CADPS: variants seen among roughly 807,000 people sequenced by gnomAD.
The protein encoded by CADPS is calcium dependent secretion activator.
In CADPS, 57 loss-of-function variants were observed where a neutral mutation model predicts 167.3. The observed-to-expected ratio is 0.34, with a 90% CI of 0.28 to 0.42. CADPS has a LOEUF of 0.42. Ranked by LOEUF, CADPS falls within the 20% of genes least tolerant of loss-of-function variation. The pLI is 1.00. For missense variants in CADPS, 1,414 were observed against 1,738.1 expected (o/e 0.81, Z 3.32); for synonymous variants, 676 against 635.3 (o/e 1.06, Z -0.96).
At chr3:62,655,828 T>C (rs764536653) in intron 4 of CADPS, among the ~76,000 whole-genome samples, 19 of 152,236 alleles carry the variant, frequency 1.2e-4, no homozygotes, top group Non-Finnish European at 2.5e-4. Context: ...GCTTCTGTCA[T>C]GTGTCAGGTT....
intron 26 of CADPS, among the ~76,000 whole-genome samples, chr3:62,461,046 C>A (rs1293087205): frequency 6.6e-6 from 1 of 152,142 alleles, no homozygotes; most frequent in Non-Finnish European, 1.5e-5. Flanking sequence ...ACTCCTACAT[C>A]TTTATTCCTC....
intron 11 of CADPS, among the ~76,000 whole-genome samples, chr3:62,541,867 T>A (rs182322953): frequency 6.6e-6 from 1 of 152,188 alleles, no homozygotes; most frequent in African/African-American, 2.4e-5. Flanking sequence ...AGCACACTTA[T>A]ATGATCTTGT....
rs555493146 is a variant in CADPS at position 62,556,972 on chromosome 3, C to T, written c.1753+433G>A. On this transcript the variant is annotated intron_variant, in intron 10 of 29. Coordinates refer to ENST00000383710, the MANE Select transcript of CADPS (RefSeq NM_003716.4). Reference sequence around the variant, plus strand: ...CCTTGGTCACTGAAACCTGCCAAGCCCACACATCACTGGTGAAAAACAACA... The same window carrying T: ...CCTTGGTCACTGAAACCTGCCAAGCTCACACATCACTGGTGAAAAACAACA... 3.4e-5 allele frequency among the ~76,000 whole-genome samples: 5 copies of T among 148,754 alleles called. No homozygotes were observed. The East Asian group carries it at 6.0e-4, about 18-fold the overall frequency.
intron 3 of CADPS, among the ~76,000 whole-genome samples, chr3:62,694,208 A>G (rs1359971269): frequency 6.6e-6 from 1 of 152,074 alleles, no homozygotes. Context: ...TTAAGATAAC[A>G]ATAACCTGGT....
chr3:62,650,464 G>A (rs1353532022), intron 5 of CADPS, among the ~76,000 whole-genome samples: 1 of 152,146 alleles, frequency 6.6e-6, no homozygotes, highest in Non-Finnish European at 1.5e-5. Context: ...TAGCCAACAG[G>A]AAGGATGATG....
chr3:62,433,167 G>C lies in CADPS; in HGVS notation c.3777+4937C>G, dbSNP rs2054307626. On this transcript the variant is annotated intron_variant, in intron 28 of 29. Transcript: ENST00000383710. The surrounding 1 kb of genome is among the most constrained non-coding windows in gnomAD (Gnocchi z 4.7). The stretch of plus-strand genomic sequence containing the variant: ...TATGGTGCTTTAGTAATTTAATAAG[G>C]TTGTTAAAATAAGGGTATCTGTGGT... 6.6e-6 allele frequency among the ~76,000 whole-genome samples: 1 copy of C among 152,048 alleles called. No homozygotes were observed. The highest frequency in any genetic ancestry group is 2.1e-4 in the South Asian group (1 of 4,822).
At chr3:62,428,296 C>CTTTTTTTTTTTTT (rs34002756) in intron 28 of CADPS, among the ~76,000 whole-genome samples, 2 of 64,644 alleles carry the variant, frequency 3.1e-5, no homozygotes, top group African/African-American at 8.1e-5. Context: ...GGAAGCAAGA[C>CTTTTTTTTTTTTT]TTTTTTTTTT....
intron 6 of CADPS, among the ~76,000 whole-genome samples, chr3:62,634,126 G>T (rs1009694577): frequency 6.6e-6 from 1 of 152,128 alleles, no homozygotes; most frequent in Non-Finnish European, 1.5e-5. Flanking sequence ...ATTAAGGTAA[G>T]CCTTATCTTA....
chr3:62,742,766 T>C (rs775228815), intron 3 of CADPS, among the ~76,000 whole-genome samples: 39 of 152,024 alleles, frequency 2.6e-4, no homozygotes, highest in Non-Finnish European at 5.1e-4. Context: ...AAAGCAAAAA[T>C]TGACAAATGG....
chr3:62,752,551 C>T (rs761823055), intron 3 of CADPS, among the ~76,000 whole-genome samples: 1 of 152,170 alleles, frequency 6.6e-6, no homozygotes, highest in African/African-American at 2.4e-5. Flanking sequence ...TGAGCATTCA[C>T]TCTGTGCCAA....
Position 62,867,315 on chromosome 3 carries a change from A to G in CADPS, c.441+7274T>C, listed in dbSNP as rs148230776. ...ACTCTGAGGATCCCATCATTTACCA[A>G]TTGAGTGACCCAAGACCCCTTTATC... On this transcript the variant is annotated intron_variant, in intron 1 of 29. Coordinates refer to ENST00000383710, the MANE Select transcript of CADPS (RefSeq NM_003716.4). Among the ~76,000 whole-genome samples, 346 of 152,114 alleles carry G rather than the reference A, an allele frequency of 2.3e-3. 2 individuals carry two copies. Among genetic ancestry groups the G allele is most frequent in the African/African-American group, 7.2e-3 (299 of 41,550 alleles).
chr3:62,671,117 A>G (rs888821798), intron 3 of CADPS, among the ~76,000 whole-genome samples: 1 of 152,192 alleles, frequency 6.6e-6, no homozygotes, highest in African/African-American at 2.4e-5. Flanking sequence ...TAACAGTAAC[A>G]ATGCCAACAG....
intron 17 of CADPS, 39 bp from the exon 18 acceptor site, chr3:62,499,307 G>A: frequency 7.5e-7 from 1 of 1,326,762 alleles, no homozygotes; most frequent in Non-Finnish European, 1.1e-6. Flanking sequence ...CAGCGAAAGT[G>A]GCAGGCTACT....
At chr3:62,849,139 T>G (rs2078050708) in intron 1 of CADPS, among the ~76,000 whole-genome samples, 1 of 151,376 alleles carries the variant, frequency 6.6e-6, no homozygotes, top group African/African-American at 2.4e-5. Flanking sequence ...ATCCTGAGAC[T>G]TTGCTGAAGT....
chr3:62,690,228 A>G (rs758010427), intron 3 of CADPS, among the ~76,000 whole-genome samples: 2 of 152,026 alleles, frequency 1.3e-5, no homozygotes, highest in Non-Finnish European at 2.9e-5. Flanking sequence ...CCAGTTGGCC[A>G]TAGTCCCCAC....
At chr3:62,722,768 A>C (rs1012863433) in intron 3 of CADPS, among the ~76,000 whole-genome samples, 3 of 152,086 alleles carry the variant, frequency 2.0e-5, no homozygotes, top group Non-Finnish European at 4.4e-5. Flanking sequence ...TAGTTTCTCG[A>C]CCTCATCACT....
intron 9 of CADPS, among the ~76,000 whole-genome samples, chr3:62,564,491 T>C (rs79843106): frequency 0.021 from 3,123 of 152,298 alleles, 47 homozygotes; most frequent in Non-Finnish European, 0.033. Context: ...TATAAGTGAT[T>C]GTCCACATTA....
intron 3 of CADPS, among the ~76,000 whole-genome samples, chr3:62,716,056 T>C (rs1334382381): frequency 8.0e-6 from 1 of 124,956 alleles, no homozygotes; most frequent in Non-Finnish European, 1.7e-5. Context: ...TAAATCTATT[T>C]TTTAAAAAAC....
At position 62,438,430 on chromosome 3, in the gene CADPS, T is replaced by G. The variant is rs1245643319; in HGVS notation, c.3670-219A>C. ...AATCAAGCCTGGCTAAGAAGGGCAT[T>G]GAGATTGTAGGATTTTATAAATAGT... On this transcript the variant is annotated intron_variant, in intron 27 of 29. Coordinates refer to ENST00000383710, the MANE Select transcript of CADPS (RefSeq NM_003716.4). The surrounding 1 kb of genome is among the most constrained non-coding windows in gnomAD (Gnocchi z 4.7). 8.1e-6 allele frequency: 4 copies of G among 491,288 alleles called. No homozygotes were observed. Among genetic ancestry groups the G allele is most frequent in the Non-Finnish European group, 1.5e-5 (4 of 275,300 alleles). The allele number at this position is 491,288 out of a possible 1,614,324, so 30.4% of individuals were successfully genotyped here.
Sources: gnomAD v4.1 joint callset for allele counts (sites outside exome capture counted in the v4.1 genomes callset) on GRCh38, gnomAD v4.1.1 for gene constraint, Gnocchi (gnomAD v3.1) non-coding constraint, MANE v1.5 for transcripts, NCBI Gene and HGNC (gene_info 2026-07-23, HGNC 2026-07-21) for gene names.